RGS6: variants seen among roughly 807,000 people sequenced by gnomAD.
The protein encoded by RGS6 is regulator of G-protein signaling 6.
A neutral mutation model predicts 78.5 loss-of-function variants in RGS6; 30 were observed. The observed-to-expected ratio is 0.38, with a 90% CI of 0.29 to 0.52. RGS6 has a LOEUF of 0.52. Among genes scored for constraint, RGS6 ranks in the 20% least tolerant of loss-of-function variants. The pLI is 0.85. For synonymous variants in RGS6, 206 were observed against 206.0 expected (o/e 1.00, Z 0.00); for missense variants, 495 against 609.7 (o/e 0.81, Z 1.98).
chr14:72,415,689 C>CG lies in RGS6; in HGVS notation c.185-38837dup, dbSNP rs368929775. ...TTCGGCCATCTTGGCTCCACCCCCCCGGCAACTGCCTATTGTTTTACCTGA... is the reference window on the plus strand; with the variant it reads ...TTCGGCCATCTTGGCTCCACCCCCCCGGGCAACTGCCTATTGTTTTACCTGA... On this transcript the variant is annotated intron_variant, in intron 3 of 17. Coordinates refer to ENST00000553525, the MANE Select transcript of RGS6 (RefSeq NM_001204424.2). Among the ~76,000 whole-genome samples, 6 of 152,196 alleles carry CG rather than the reference C, an allele frequency of 3.9e-5. No homozygotes were observed. The East Asian group carries it at 1.2e-3, about 29-fold the overall frequency.
intron 2 of RGS6, among the ~76,000 whole-genome samples, chr14:72,207,441 A>T (rs1193976414): frequency 6.6e-6 from 1 of 152,164 alleles, no homozygotes; most frequent in Non-Finnish European, 1.5e-5. Context: ...CATCTTGTTC[A>T]TCCGTACATC....
At chr14:71,939,737 C>T (rs2090189792) in intron 1 of RGS6, among the ~76,000 whole-genome samples, 1 of 152,224 alleles carries the variant, frequency 6.6e-6, no homozygotes, top group African/African-American at 2.4e-5. Context: ...TATCATTCTC[C>T]AAGATGCATC....
At position 72,441,890 on chromosome 14, in the gene RGS6, A is replaced by T. The variant is rs527750021; in HGVS notation, c.185-12638A>T. On this transcript the variant is annotated intron_variant, in intron 3 of 17. Coordinates refer to ENST00000553525, the MANE Select transcript of RGS6 (RefSeq NM_001204424.2). Reference sequence around the variant, plus strand: ...GGGGCTGCCAACTGGCATTGCCCAGAGGCCCAGCTCCTGGTCACATAGACT... The same window carrying T: ...GGGGCTGCCAACTGGCATTGCCCAGTGGCCCAGCTCCTGGTCACATAGACT... Among the ~76,000 whole-genome samples, 572 of 152,338 alleles carry T rather than the reference A, an allele frequency of 3.8e-3. 3 individuals carry two copies. The highest frequency in any genetic ancestry group is 0.013 in the African/African-American group (527 of 41,588).
intron 3 of RGS6, among the ~76,000 whole-genome samples, chr14:72,433,474 CAT>C (rs2094750448): frequency 6.6e-6 from 1 of 151,698 alleles, no homozygotes; most frequent in Admixed American, 6.6e-5. Context: ...ACATCCTGCA[CAT>C]GTTACCCCAG....
chr14:72,427,207 A>G (rs1206894897), intron 3 of RGS6, among the ~76,000 whole-genome samples: 2 of 152,220 alleles, frequency 1.3e-5, no homozygotes, highest in Non-Finnish European at 2.9e-5. Flanking sequence ...TGTAAGAGAG[A>G]GACTATATAA....
chr14:72,240,871 G>A lies in RGS6; in HGVS notation c.85-111224G>A, dbSNP rs188047033. Among the ~76,000 whole-genome samples, 545 of 152,068 alleles carry A rather than the reference G, an allele frequency of 3.6e-3. 1 individual carries two copies. The highest frequency in any genetic ancestry group is 0.017 in the Middle Eastern group (5 of 294). Reference sequence around the variant, plus strand: ...AGCTAATTCCTACAATTAAACTTACGCCTTTGGCCAGGCGCGGTGGCTCAC... The same window carrying A: ...AGCTAATTCCTACAATTAAACTTACACCTTTGGCCAGGCGCGGTGGCTCAC... On this transcript the variant is annotated intron_variant, in intron 2 of 17. Transcript: ENST00000553525.
chr14:72,534,541 A>G (rs2153494056), intron 15 of RGS6, among the ~76,000 whole-genome samples: 1 of 152,340 alleles, frequency 6.6e-6, no homozygotes, highest in East Asian at 1.9e-4. Flanking sequence ...TTCTTTGTTA[A>G]GACCAAATAG....
intron 2 of RGS6, among the ~76,000 whole-genome samples, chr14:72,154,404 T>C (rs1163337151): frequency 1.3e-5 from 2 of 152,234 alleles, no homozygotes; most frequent in African/African-American, 4.8e-5. Context: ...AAGACAGGTA[T>C]GAATTATAAA....
At chr14:72,562,331 A>G (rs2097686930) in intron 17 of RGS6, 86 bp from the exon 18 acceptor site, 1 of 1,391,354 alleles carries the variant, frequency 7.2e-7, no homozygotes, top group Non-Finnish European at 1.0e-6. Context: ...TGGCTCATGC[A>G]ACAATTAATT....
the RGS6 span, among the ~76,000 whole-genome samples, chr14:72,592,909 T>C: frequency 6.6e-6 from 1 of 152,212 alleles, no homozygotes; most frequent in Non-Finnish European, 1.5e-5. Flanking sequence ...AGAATGTGGC[T>C]GGGCAGGGAT....
At chr14:72,537,619 A>T (rs1244556868) in intron 16 of RGS6, 1 of 695,674 alleles carries the variant, frequency 1.4e-6, no homozygotes, top group South Asian at 1.5e-5. Flanking sequence ...CGACACCCTC[A>T]TACATGGCTC....
chr14:72,168,507 C>T (rs754041790), intron 2 of RGS6, among the ~76,000 whole-genome samples: 10 of 152,086 alleles, frequency 6.6e-5, no homozygotes, highest in East Asian at 3.9e-4. Flanking sequence ...CAACCAATTT[C>T]GAAGACTTAA....
intron 2 of RGS6, among the ~76,000 whole-genome samples, chr14:72,342,872 C>T (rs906330711): frequency 6.6e-6 from 1 of 152,060 alleles, no homozygotes; most frequent in Non-Finnish European, 1.5e-5. Context: ...TCTTCCCTGT[C>T]GTCATCCCTG....
At chr14:72,539,481 T>TCTGG (rs151335782) in intron 16 of RGS6, among the ~76,000 whole-genome samples, 2,617 of 152,334 alleles carry the variant, frequency 0.017, 71 homozygotes, top group African/African-American at 0.06. Flanking sequence ...TCTGGCTGCC[T>TCTGG]CTGGGCAGGG....
At chr14:72,323,677 C>T (rs1380192527) in intron 2 of RGS6, among the ~76,000 whole-genome samples, 2 of 151,026 alleles carry the variant, frequency 1.3e-5, no homozygotes, top group Non-Finnish European at 3.0e-5. Context: ...TAGTGGGCAC[C>T]TGTAATCCCA....
intron 2 of RGS6, among the ~76,000 whole-genome samples, chr14:72,018,135 T>A (rs1169964070): frequency 6.6e-6 from 1 of 152,202 alleles, no homozygotes; most frequent in East Asian, 1.9e-4. Flanking sequence ...TAGTATTCCA[T>A]GGTGTATATG....
intron 15 of RGS6, among the ~76,000 whole-genome samples, chr14:72,519,860 CAAG>C (rs1238160859): frequency 2.0e-5 from 3 of 152,134 alleles, no homozygotes; most frequent in African/African-American, 7.2e-5. Flanking sequence ...TTATGAAACA[CAAG>C]AAGAGGGATA....
chr14:71,993,025 C>T (rs1032618306), intron 2 of RGS6, among the ~76,000 whole-genome samples: 5 of 152,072 alleles, frequency 3.3e-5, no homozygotes, highest in African/African-American at 9.7e-5. Flanking sequence ...TGCTACATGA[C>T]GTGTTATGAA....
At chr14:71,908,633 T>C in the RGS6 span, among the ~76,000 whole-genome samples, 1 of 152,084 alleles carries the variant, frequency 6.6e-6, no homozygotes, top group Admixed American at 6.5e-5. Flanking sequence ...ACAGGAGGGG[T>C]AGTGTCAATT....
Sources: allele counts gnomAD v4.1 joint callset (sites outside exome capture counted in the v4.1 genomes callset), GRCh38; gene constraint gnomAD v4.1.1; transcripts MANE v1.5; gene names NCBI Gene and HGNC (gene_info 2026-07-23, HGNC 2026-07-21).